PRRC2A: variants seen among roughly 807,000 people sequenced by gnomAD.
PRRC2A encodes the protein protein PRRC2A.
Under a neutral mutation model 224.6 loss-of-function variants are expected in PRRC2A, and 59 were observed. That is an observed-to-expected ratio of 0.26 (90% CI 0.21 to 0.33). The LOEUF (loss-of-function observed/expected upper bound fraction) is 0.33. Among genes scored for constraint, PRRC2A ranks in the 10% least tolerant of loss-of-function variants. The probability of loss-of-function intolerance (pLI) is 1.00; values close to 1 mark genes in which losing one functional copy is unlikely to be tolerated. For synonymous variants in PRRC2A, 1,194 were observed against 1,109.5 expected, an observed-to-expected ratio of 1.08 and a Z score of -1.51; for missense variants, 3,095 against 2,880.7, an observed-to-expected ratio of 1.07 and a Z score of -1.70.
rs1034610301 is a variant in PRRC2A, at chr6:31,636,865, G to A, written c.6067G>A (p.Val2023Met). ...GPALQPPSLA[V>M]RPPPAPATRV... ...TGCTCTGCAGCCCCCCAGCCTGGCT[G>A]TGCGGCCCCCACCTGCTCCTGCTAC... The change falls in exon 28 of 31, where the codon GTG becomes ATG. Residue 2023 changes from valine to methionine, a missense_variant. By Grantham distance (21) the Val-to-Met change is conservative. Transcript: ENST00000376033. This position sits in a 1 kb window ranked among gnomAD's most constrained non-coding sequence, Gnocchi z 4.3. 16 of 1,612,756 alleles carry A rather than the reference G, an allele frequency of 9.9e-6. No individual in the cohort carries two copies. Among genetic ancestry groups the A allele is most frequent in the Non-Finnish European group, 1.3e-5 (15 of 1,180,012 alleles).
chr6:31,635,539 C>G, intron 23 of PRRC2A, 43 bp from the exon 24 acceptor site: 1 of 1,610,844 alleles, frequency 6.2e-7, no homozygotes, highest in Non-Finnish European at 8.5e-7. Context: ...CCAGGGCGTC[C>G]AGGATGCCAG....
Position 31,631,490 on chromosome 6 carries a change from A to G in PRRC2A, c.2817A>G (p.Pro939=). The G allele has an allele frequency of 1.2e-6, 2 of 1,608,450 alleles. No homozygotes were observed. The highest frequency in any genetic ancestry group is 2.2e-5 in the East Asian group (1 of 44,756). ...GGAGCAGTCGTCGTGGAATCCCTCC[A>G]GAGGAGCCAGGGGCCCCACCCCGCC... ...RPGSSRRGIP[P]EEPGAPPRRA... is the part of the protein sequence containing the mutation. Residue 939 remains proline (P), a synonymous_variant, in exon 16 of 31, where the codon CCA becomes CCG. Coordinates refer to ENST00000376033, the MANE Select transcript of PRRC2A (RefSeq NM_004638.4). The surrounding 1 kb of genome is among the most constrained non-coding windows in gnomAD (Gnocchi z 4.5).
intron 3 of PRRC2A, 104 bp from the exon 4 acceptor site, chr6:31,624,157 G>A (rs1456837365): frequency 4.9e-6 from 6 of 1,232,730 alleles, no homozygotes; most frequent in Non-Finnish European, 6.9e-6. Flanking sequence ...CCTTATATTT[G>A]TAAATGGTAG....
rs1775753308 is a variant in PRRC2A at position 31,625,112 on chromosome 6, T to C, written c.464-59T>C. ...CGCGCCCAGCCAGAGTCTTCCACTT[T>C]TATAGCATGTCCTCAGGAAATGTCT... On this transcript the variant is annotated intron_variant, in intron 5 of 30. Transcript: ENST00000376033. This position sits in a 1 kb window ranked among gnomAD's most constrained non-coding sequence, Gnocchi z 4.1. The C allele has an allele frequency of 5.1e-6, 8 of 1,567,246 alleles. No individual in the cohort carries two copies. Among genetic ancestry groups the C allele is most frequent in the Non-Finnish European group, 7.0e-6 (8 of 1,149,742 alleles).
rs200160367 is a variant in PRRC2A at position 31,630,352 on chromosome 6, AAATG to A, written c.2255-224_2255-221del. Among the ~76,000 whole-genome samples, 6 of 152,320 alleles carry A rather than the reference AAATG, an allele frequency of 3.9e-5. No homozygotes were observed. In the East Asian group the frequency reaches 7.7e-4, roughly 20 times the overall value. ...AATGAATAGCACAACTCCATCTCAAAAATGAATGAATGAATGAAAGAAGCAGTGG... is the reference window on the plus strand; with the variant it reads ...AATGAATAGCACAACTCCATCTCAAAAATGAATGAATGAAAGAAGCAGTGG... On this transcript the variant is annotated intron_variant, in intron 14 of 30. Coordinates refer to ENST00000376033, the MANE Select transcript of PRRC2A (RefSeq NM_004638.4).
rs1213099733 is a variant in PRRC2A at position 31,637,630 on chromosome 6, T to G, written c.*44T>G. 3 of 525,980 alleles carry G rather than the reference T, an allele frequency of 5.7e-6. No individual in the cohort carries two copies. The highest frequency in any genetic ancestry group is 1.0e-4 in the East Asian group (1 of 9,652). The allele number at this position is 525,980 out of a possible 1,614,324, so 32.6% of individuals were successfully genotyped here. Reference sequence around the variant, plus strand: ...CTACCCCCGGGGCTTGTATATAGATTATAAATATATAAGGGGGAAAGGGGT... The same window carrying G: ...CTACCCCCGGGGCTTGTATATAGATGATAAATATATAAGGGGGAAAGGGGT... On this transcript the variant is annotated 3_prime_UTR_variant, in exon 31 of 31. Coordinates refer to ENST00000376033, the MANE Select transcript of PRRC2A (RefSeq NM_004638.4).
Position 31,633,872 on chromosome 6 carries a change from G to A in PRRC2A, c.4602G>A (p.Glu1534=), listed in dbSNP as rs767598489. The A allele has an allele frequency of 2.5e-6, 4 of 1,577,460 alleles. No individual in the cohort carries two copies. The Admixed American group carries it at 8.5e-5, about 34-fold the overall frequency. ...TCTCTTTCCCAGACCCCCACTTTGAGGAGCCGGGGCCAATGGTGAGAGGGG... is the reference window on the plus strand; with the variant it reads ...TCTCTTTCCCAGACCCCCACTTTGAAGAGCCGGGGCCAATGGTGAGAGGGG... The part of the protein sequence containing the change: ...NSGLSSDPHF[E]EPGPMVRGVG... The change falls in exon 18 of 31, where the codon GAG becomes GAA. Residue 1534 remains glutamate, a synonymous_variant. Transcript: ENST00000376033.
rs750667451 is a variant in PRRC2A at position 31,634,844 on chromosome 6, T to A, written c.5027T>A (p.Leu1676His). The A allele has an allele frequency of 1.9e-6, 3 of 1,612,868 alleles. No homozygotes were observed. The highest frequency in any genetic ancestry group is 2.5e-6 in the Non-Finnish European group (3 of 1,180,022). The change falls in exon 21 of 31, where the codon CTC becomes CAC. Residue 1676 changes from leucine to histidine, a missense_variant. Coordinates refer to ENST00000376033, the MANE Select transcript of PRRC2A (RefSeq NM_004638.4). ...CAGCGAAGTTCCCCTGATGGAGGAC[T>A]CAAGGGGGCAGCAGAGGGACCCCCC... Reference protein sequence around the residue: ...CSQRSSPDGGLKGAAEGPPKR... With the variant: ...CSQRSSPDGGHKGAAEGPPKR...
At position 31,632,600 on chromosome 6, in the gene PRRC2A, G is replaced by C. The variant is rs1776776219; in HGVS notation, c.3927G>C (p.Leu1309=). ...GGGCAGCTGCCAAGTCTCCTGATCT[G>C]TCAAACCAGAACTCAGACCAAGCCA... ...PRRAAAKSPD[L]SNQNSDQANE... is the part of the protein sequence containing the mutation. Residue 1309 remains leucine (L), a synonymous_variant, in exon 16 of 31, where the codon CTG becomes CTC. Transcript: ENST00000376033. The C allele has an allele frequency of 1.9e-6, 3 of 1,612,960 alleles. 1 individual carries two copies. Among genetic ancestry groups the C allele is most frequent in the Non-Finnish European group, 2.5e-6 (3 of 1,180,042 alleles).
chr6:31,623,237 C>T (rs1204299333), intron 2 of PRRC2A: 5 of 584,512 alleles, frequency 8.6e-6, no homozygotes, highest in African/African-American at 4.0e-5. Flanking sequence ...ATATCTCAGC[C>T]TTCTTGATAG....
intron 3 of PRRC2A, 86 bp downstream of exon 3, chr6:31,623,995 G>A (rs1156540866): frequency 4.4e-5 from 65 of 1,480,426 alleles, no homozygotes; most frequent in Admixed American, 3.5e-4. Flanking sequence ...GTCCAGCCAC[G>A]TCTGAGCCAG....
Position 31,632,889 on chromosome 6 carries a change from G to GGCAGCAGTGGCA in PRRC2A, c.4227_4238dup (p.Ser1410_Gly1413dup). 6.2e-7 allele frequency: 1 copy of GGCAGCAGTGGCA among 1,612,922 alleles called. No homozygotes were observed. Among genetic ancestry groups the GGCAGCAGTGGCA allele is most frequent in the Non-Finnish European group, 8.5e-7 (1 of 1,179,922 alleles). ...GCGCCCTGGCCCAGGGGGCAAGGCT[G>GGCAGCAGTGGCA]GCAGCAGTGGCAGCAGCAGTGGAGG... is the stretch of plus-strand genomic sequence containing the variant. On this transcript the variant is annotated inframe_insertion, in exon 16 of 31. Coordinates refer to ENST00000376033, the MANE Select transcript of PRRC2A (RefSeq NM_004638.4).
intron 2 of PRRC2A, among the ~76,000 whole-genome samples, chr6:31,623,417 G>A (rs1030762621): frequency 2.0e-5 from 3 of 151,772 alleles, no homozygotes; most frequent in African/African-American, 7.3e-5. Context: ...ACAGGCATGC[G>A]CCACCACACC....
At position 31,636,068 on chromosome 6, in the gene PRRC2A, G is replaced by A; in HGVS notation, c.5624+19G>A. On this transcript the variant is annotated intron_variant, in intron 25 of 30. Transcript: ENST00000376033. The surrounding 1 kb of genome is among the most constrained non-coding windows in gnomAD (Gnocchi z 4.3). ...CTTACAGGTAAGACTCGATGCCTGTGGATCACAGAAGTACTTGGAGATGTG... is the reference window on the plus strand; with the variant it reads ...CTTACAGGTAAGACTCGATGCCTGTAGATCACAGAAGTACTTGGAGATGTG... The A allele has an allele frequency of 6.3e-7, 1 of 1,596,266 alleles. No homozygotes were observed. The highest frequency in any genetic ancestry group is 1.3e-5 in the African/African-American group (1 of 74,624).
rs1257741987 is a variant in PRRC2A, at chr6:31,631,123, C to A, written c.2466-16C>A. On this transcript the variant is annotated splice_polypyrimidine_tract_variant and intron_variant, in intron 15 of 30. Transcript: ENST00000376033. The surrounding 1 kb of genome is among the most constrained non-coding windows in gnomAD (Gnocchi z 4.5). ...CCTGAGATACTTATTTCCATTCTTT[C>A]TGTCTGTCTCTTCAGGAGCGAGACT... 1 of 1,469,422 alleles carries A rather than the reference C, an allele frequency of 6.8e-7. No individual in the cohort carries two copies. Among genetic ancestry groups the A allele is most frequent in the Non-Finnish European group, 9.2e-7 (1 of 1,091,614 alleles). The allele number at this position is 1,469,422 out of a possible 1,614,324, so 91.0% of individuals were successfully genotyped here.
chr6:31,628,218 G>A lies in PRRC2A; in HGVS notation c.1744G>A (p.Gly582Ser), dbSNP rs1776142015. ...GGGSTSSTSS[G>S]SFEASPVEPQ... is the part of the protein sequence containing the mutation. ...TGGCAGTACCAGTAGCACCAGCAGT[G>A]GCAGCTTCGAAGCCAGCCCAGGTAT... Residue 582 changes from glycine (G) to serine (S), a missense_variant, in exon 12 of 31, where the codon GGC (glycine) becomes AGC (serine). By Grantham distance (56) the Gly-to-Ser change is moderately conservative (BLOSUM62 0). This residue lies in a region of PRRC2A where 2,001 missense variants were observed against 1,764.9 expected (regional missense o/e 1.13). Transcript: ENST00000376033. 3.1e-6 allele frequency: 5 copies of A among 1,611,436 alleles called. No individual in the cohort carries two copies. The highest frequency in any genetic ancestry group is 4.2e-6 in the Non-Finnish European group (5 of 1,179,658).
chr6:31,625,769 G>T lies in PRRC2A; in HGVS notation c.760-23G>T. ...GGGTATATGACTGTCCCTCTGAGCA[G>T]CTACTGTTGGACCCTTTTACAGATG... is the stretch of plus-strand genomic sequence containing the variant. On this transcript the variant is annotated intron_variant, in intron 7 of 30. Transcript: ENST00000376033. This position sits in a 1 kb window ranked among gnomAD's most constrained non-coding sequence, Gnocchi z 4.1. The T allele has an allele frequency of 1.9e-6, 3 of 1,558,188 alleles. No individual in the cohort carries two copies. Among genetic ancestry groups the T allele is most frequent in the Non-Finnish European group, 2.7e-6 (3 of 1,129,336 alleles).
chr6:31,635,019 C>G, intron 21 of PRRC2A, 42 bp downstream of exon 21: 3 of 1,603,168 alleles, frequency 1.9e-6, no homozygotes, highest in Admixed American at 1.7e-5. Context: ...TTCCAGGAAT[C>G]TGACTTTGGC....
chr6:31,634,641 G>C (rs1777099515), intron 20 of PRRC2A, 84 bp downstream of exon 20: 1 of 1,580,728 alleles, frequency 6.3e-7, no homozygotes, highest in Non-Finnish European at 8.7e-7. Context: ...GTTGAGTCTG[G>C]AGCTGTTCTC....
Sources: allele counts gnomAD v4.1 joint callset (sites outside exome capture counted in the v4.1 genomes callset), GRCh38; gene constraint gnomAD v4.1.1; regional missense constraint gnomAD v4.1.1; non-coding constraint Gnocchi (gnomAD v3.1); transcripts MANE v1.5; gene names NCBI Gene and HGNC (gene_info 2026-07-23, HGNC 2026-07-21).